The following YAE1 variants were observed in gnomAD, a reference collection of about 807,000 sequenced individuals.
The protein encoded by YAE1 is YAE1 maturation factor of ABCE1, also known as protein YAE1 homolog.
In YAE1, 22 loss-of-function variants were observed where a neutral mutation model predicts 23.0. The observed-to-expected ratio is 0.96, with a 90% CI of 0.68 to 1.37. The LOEUF is 1.37. YAE1 is among the 40% of genes most tolerant of loss of function. The probability of loss-of-function intolerance (pLI) is 0.00; values close to 1 mark genes in which losing one functional copy is unlikely to be tolerated. For synonymous variants in YAE1, 101 were observed against 97.0 expected (o/e 1.04, Z -0.24); for missense variants, 260 against 262.1 (o/e 0.99, Z 0.06).
In YAE1 at chr7:39,566,410, G is replaced by C. The variant is rs573560764; in HGVS notation, c.-9G>C. On this transcript the variant is annotated 5_prime_UTR_variant, in exon 1 of 3. Transcript: ENST00000223273. ...TCCGGTGGCCTGCGACCCCGTAATT[G>C]CCTCGGTGATGTCGTGGGTTCAAGC... The C allele has an allele frequency of 1.2e-6, 2 of 1,612,876 alleles. No homozygotes were observed. The highest frequency in any genetic ancestry group is 2.2e-5 in the South Asian group (2 of 91,024).
intron 2 of YAE1, among the ~76,000 whole-genome samples, chr7:39,583,200 A>T (rs1000440252): frequency 2.0e-5 from 3 of 152,186 alleles, no homozygotes; most frequent in Non-Finnish European, 4.4e-5. Flanking sequence ...GAAACAAGGA[A>T]TATGTTATAT....
At chr7:39,582,615 T>A (rs1273889494) in intron 2 of YAE1, among the ~76,000 whole-genome samples, 1 of 152,226 alleles carries the variant, frequency 6.6e-6, no homozygotes, top group Non-Finnish European at 1.5e-5. Context: ...ACCCCATTTG[T>A]CAGCTTAGAG....
chr7:39,569,475 T>C (rs1330394437), intron 1 of YAE1: 26 of 496,178 alleles, frequency 5.2e-5, no homozygotes, highest in Admixed American at 5.1e-5. Flanking sequence ...TTCTGAAACA[T>C]CTTCTTTATC....
At chr7:39,610,855 A>G (rs987021642), downstream of YAE1, among the ~76,000 whole-genome samples, 14 of 152,166 alleles carry the variant, frequency 9.2e-5, no homozygotes, top group African/African-American at 1.9e-4. Context: ...GGAATCATAA[A>G]TTAGGATGCA....
intron 2 of YAE1, among the ~76,000 whole-genome samples, chr7:39,594,645 G>T (rs767741170): frequency 1.3e-5 from 2 of 151,432 alleles, no homozygotes; most frequent in Non-Finnish European, 2.9e-5. Flanking sequence ...TTGTTGCCCA[G>T]GCTGGAGTAC....
At chr7:39,581,257 G>T (rs17171604) in intron 2 of YAE1, among the ~76,000 whole-genome samples, 2 of 152,210 alleles carry the variant, frequency 1.3e-5, no homozygotes, top group African/African-American at 4.8e-5. Flanking sequence ...CATAGTCATC[G>T]TTATCTATGT....
chr7:39,587,033 T>C (rs1790829221), intron 2 of YAE1, among the ~76,000 whole-genome samples: 1 of 151,724 alleles, frequency 6.6e-6, no homozygotes, highest in South Asian at 2.1e-4. Flanking sequence ...TTTCTCTTTC[T>C]CTTTCTTTCT....
intron 2 of YAE1, among the ~76,000 whole-genome samples, chr7:39,578,182 A>G (rs919326721): frequency 2.0e-5 from 3 of 152,182 alleles, no homozygotes; most frequent in Non-Finnish European, 2.9e-5. Context: ...GTCTAGTTCA[A>G]GCAGCGCTCT....
intron 2 of YAE1, among the ~76,000 whole-genome samples, chr7:39,597,026 C>A (rs145057205): frequency 4.6e-5 from 7 of 152,298 alleles, no homozygotes; most frequent in African/African-American, 1.7e-4. Flanking sequence ...TTTTAAAAGA[C>A]ATTTCTGTGA....
chr7:39,586,858 C>T (rs2115811683), intron 2 of YAE1, among the ~76,000 whole-genome samples: 1 of 152,228 alleles, frequency 6.6e-6, no homozygotes, highest in East Asian at 1.9e-4. Context: ...ACTTTGCTTA[C>T]GTTGTCTTGG....
downstream of YAE1, among the ~76,000 whole-genome samples, chr7:39,576,593 T>C (rs1483865915): frequency 1.3e-5 from 2 of 152,188 alleles, no homozygotes; most frequent in African/African-American, 4.8e-5. Context: ...CCACGTCCTT[T>C]CCCAGCAAAT....
At chr7:39,597,782 A>C (rs1035506307) in intron 2 of YAE1, among the ~76,000 whole-genome samples, 3 of 151,910 alleles carry the variant, frequency 2.0e-5, no homozygotes, top group Non-Finnish European at 4.4e-5. Context: ...AAAGATTTAC[A>C]TTTAAAAGTG....
chr7:39,573,590 A>G (rs1790608185), downstream of YAE1, among the ~76,000 whole-genome samples: 1 of 152,190 alleles, frequency 6.6e-6, no homozygotes, highest in South Asian at 2.1e-4. Flanking sequence ...TATATGAGAT[A>G]CCTGACTTCA....
rs1583669148 is a variant in YAE1, at chr7:39,572,537, G to T, written c.512G>T (p.Cys171Phe). 6.2e-7 allele frequency: 1 copy of T among 1,614,024 alleles called. No homozygotes were observed. Among genetic ancestry groups the T allele is most frequent in the African/African-American group, 1.3e-5 (1 of 74,942 alleles). Residue 171 changes from cysteine (C) to phenylalanine (F), a missense_variant, in exon 3 of 3, where the codon TGT (cysteine) becomes TTT (phenylalanine). Coordinates refer to ENST00000223273, the MANE Select transcript of YAE1 (RefSeq NM_020192.5). ...AATAATGCTGAGTTTAACAAAAACT[G>T]TAGCAAGAGCCATAGTGGGATAGAT... ...CENNAEFNKNCSKSHSGIDCS... is the reference protein window; with the variant it reads ...CENNAEFNKNFSKSHSGIDCS...
chr7:39,611,387 C>T (rs73379390), downstream of YAE1, among the ~76,000 whole-genome samples: 1,292 of 152,266 alleles, frequency 8.5e-3, 12 homozygotes, highest in African/African-American at 0.029. Flanking sequence ...GGGTCCTGAA[C>T]CTCTAAAGGG....
intron 2 of YAE1, 127 bp downstream of exon 2, chr7:39,570,754 A>T: frequency 8.1e-7 from 1 of 1,239,600 alleles, no homozygotes; most frequent in Admixed American, 3.2e-5. Flanking sequence ...CGTGTCGCAG[A>T]TCATAGAATT....
chr7:39,579,225 C>CTCT (rs1244558057), intron 2 of YAE1, among the ~76,000 whole-genome samples: 1 of 152,132 alleles, frequency 6.6e-6, no homozygotes, highest in Non-Finnish European at 1.5e-5. Flanking sequence ...ATTAGGAAAT[C>CTCT]GAGGCACCAA....
chr7:39,570,516 G>C lies in YAE1; in HGVS notation c.140G>C (p.Arg47Thr). 6.2e-7 allele frequency: 1 copy of C among 1,612,134 alleles called. No individual in the cohort carries two copies. The highest frequency in any genetic ancestry group is 2.2e-5 in the East Asian group (1 of 44,830). The change falls in exon 2 of 3, where the codon AGA becomes ACA. Residue 47 changes from arginine to threonine, a missense_variant. Arg to Thr is a moderately conservative substitution (Grantham distance 71, BLOSUM62 -1). Coordinates refer to ENST00000223273, the MANE Select transcript of YAE1 (RefSeq NM_020192.5). ...ATTACTTATTTTTAGGAAGGTTATA[G>C]AGATGGAATAGATGCTGGCAAAGCA... is the stretch of plus-strand genomic sequence containing the variant. Reference protein sequence around the residue: ...NMQRRVKEGYRDGIDAGKAVT... With the variant: ...NMQRRVKEGYTDGIDAGKAVT...
chr7:39,586,781 G>A (rs181648559), intron 2 of YAE1, among the ~76,000 whole-genome samples: 2 of 152,368 alleles, frequency 1.3e-5, no homozygotes, highest in East Asian at 1.9e-4. Context: ...ACAGGCGTGA[G>A]CCACTGCAGT....
Sources: gnomAD v4.1 joint callset for allele counts (sites outside exome capture counted in the v4.1 genomes callset) on GRCh38, gnomAD v4.1.1 for gene constraint, MANE v1.5 for transcripts, NCBI Gene and HGNC (gene_info 2026-07-23, HGNC 2026-07-21) for gene names.